ETV6: variants seen among roughly 807,000 people sequenced by gnomAD.
ETV6 encodes ETS variant transcription factor 6.
A neutral mutation model predicts 51.1 loss-of-function variants in ETV6; 16 were observed. That is an observed-to-expected ratio of 0.31 (90% CI 0.21 to 0.48). The LOEUF is 0.48. Among genes scored for constraint, ETV6 ranks in the 20% least tolerant of loss-of-function variants. The pLI, the probability that ETV6 is intolerant of heterozygous loss-of-function variation, is 0.99. For missense variants in ETV6, 458 were observed against 594.8 expected, an observed-to-expected ratio of 0.77 and a Z score of 2.39; for synonymous variants, 240 against 224.1, an observed-to-expected ratio of 1.07 and a Z score of -0.64.
At chr12:11,786,107 G>GT (rs1260543783) in intron 2 of ETV6, among the ~76,000 whole-genome samples, 11 of 151,986 alleles carry the variant, frequency 7.2e-5, no homozygotes, top group South Asian at 4.2e-4. Flanking sequence ...TACGGTTCTT[G>GT]TTTTTTTTAA....
intron 5 of ETV6, among the ~76,000 whole-genome samples, chr12:11,881,924 GCT>G (rs1947102781): frequency 3.3e-5 from 5 of 152,162 alleles, no homozygotes; most frequent in Non-Finnish European, 7.3e-5. Context: ...TGCTTGGGTT[GCT>G]CATCTTCTCC....
chr12:11,741,399 C>T (rs375121739), intron 1 of ETV6, among the ~76,000 whole-genome samples: 5 of 152,178 alleles, frequency 3.3e-5, no homozygotes, highest in African/African-American at 9.7e-5. Context: ...CTTTTGGATG[C>T]GAGAGAGGGA....
intron 1 of ETV6, among the ~76,000 whole-genome samples, chr12:11,737,985 C>T (rs1362584595): frequency 1.3e-5 from 2 of 151,982 alleles, no homozygotes; most frequent in African/African-American, 2.4e-5. Context: ...AAGCCAATAA[C>T]GATGGCTAGA....
At chr12:11,807,393 ACAGATC>A (rs1184253222) in intron 2 of ETV6, among the ~76,000 whole-genome samples, 4 of 152,210 alleles carry the variant, frequency 2.6e-5, no homozygotes, top group Non-Finnish European at 5.9e-5. Context: ...TAAAGTACAG[ACAGATC>A]CACATTGACT....
chr12:11,673,657 C>T (rs1374851300), intron 1 of ETV6, among the ~76,000 whole-genome samples: 1 of 152,194 alleles, frequency 6.6e-6, no homozygotes, highest in African/African-American at 2.4e-5. Context: ...CGAATGTCAT[C>T]TTTGTAGTTG....
At chr12:11,787,684 G>T (rs1945509416) in intron 2 of ETV6, among the ~76,000 whole-genome samples, 1 of 152,272 alleles carries the variant, frequency 6.6e-6, no homozygotes, top group South Asian at 2.1e-4. Flanking sequence ...CAAGTTAGGA[G>T]TAGGCCAGCA....
intron 1 of ETV6, among the ~76,000 whole-genome samples, chr12:11,669,373 T>TCCTCCCTCCCTCCCTCCCTCCCTC (rs1555112288): frequency 1.2e-4 from 15 of 129,424 alleles, no homozygotes; most frequent in African/African-American, 4.2e-4. Context: ...CTTCCTCCCT[T>TCCTCCCTCCCTCCCTCCCTCCCTC]CCTCCCTCCC....
intron 1 of ETV6, among the ~76,000 whole-genome samples, chr12:11,748,100 C>A (rs185548342): frequency 1.3e-3 from 201 of 152,324 alleles, no homozygotes; most frequent in African/African-American, 4.4e-3. Flanking sequence ...TCACTGGTGC[C>A]TGCTGTTTTC....
chr12:11,890,967 T>C lies in ETV6; in HGVS notation c.1280T>C (p.Met427Thr), dbSNP rs1430184513. 3 of 1,613,698 alleles carry C rather than the reference T, an allele frequency of 1.9e-6. No homozygotes were observed. Among genetic ancestry groups the C allele is most frequent in the Admixed American group, 3.3e-5 (2 of 59,994 alleles). The change falls in exon 8 of 8, where the codon ATG becomes ACG. Residue 427 changes from methionine (M) to threonine (T), a missense_variant. Transcript: ENST00000396373. ...FRFMKTPDEI[M>T]SGRTDRLEHL... Reference sequence around the variant, plus strand: ...TTTATGAAAACCCCAGATGAAATCATGAGTGGCCGAACAGACCGTCTGGAG... The same window carrying C: ...TTTATGAAAACCCCAGATGAAATCACGAGTGGCCGAACAGACCGTCTGGAG...
chr12:11,784,162 G>A (rs189405223), intron 2 of ETV6, among the ~76,000 whole-genome samples: 11 of 152,338 alleles, frequency 7.2e-5, no homozygotes, highest in African/African-American at 2.6e-4. Context: ...AGGCACAGTG[G>A]CTCATGCCTG....
intron 1 of ETV6, among the ~76,000 whole-genome samples, chr12:11,736,323 C>T (rs1322733668): frequency 6.6e-6 from 1 of 152,098 alleles, no homozygotes; most frequent in Non-Finnish European, 1.5e-5. Context: ...AGTCTGTGTC[C>T]CCTTTTTTAG....
At chr12:11,751,884 T>C (rs1866036361) in intron 1 of ETV6, 1 of 504,216 alleles carries the variant, frequency 2.0e-6, no homozygotes, top group African/African-American at 1.9e-5. Flanking sequence ...TTGTGGTGGT[T>C]GTATAGTGAG....
intron 2 of ETV6, among the ~76,000 whole-genome samples, chr12:11,791,376 A>G (rs940804581): frequency 6.6e-6 from 1 of 152,234 alleles, no homozygotes; most frequent in African/African-American, 2.4e-5. Flanking sequence ...TCTTCCTGCC[A>G]TAGGGATGTT....
chr12:11,681,826 T>C (rs941047200), intron 1 of ETV6, among the ~76,000 whole-genome samples: 1 of 152,236 alleles, frequency 6.6e-6, no homozygotes, highest in African/African-American at 2.4e-5. Context: ...AGTGTTAGGC[T>C]TTCTGTTCCT....
At position 11,650,008 on chromosome 12, in the gene ETV6, A is replaced by T; in HGVS notation, c.-120A>T. 1 of 944,392 alleles carries T rather than the reference A, an allele frequency of 1.1e-6. No individual in the cohort carries two copies. Among genetic ancestry groups the T allele is most frequent in the Non-Finnish European group, 1.7e-6 (1 of 586,464 alleles). 58.5% of individuals were successfully genotyped at this position (944,392 alleles called of 1,614,324 possible). ...ACCCCCGGGGCGGCTGCCGGGAGAG[A>T]TGCTGGAAGAAACTTCTTAAATGAC... is the stretch of plus-strand genomic sequence containing the variant. On this transcript the variant is annotated 5_prime_UTR_variant, in exon 1 of 8. An upstream start codon of the reference 5' UTR is lost. Transcript: ENST00000396373.
chr12:11,861,051 C>A (rs2855709), intron 4 of ETV6, among the ~76,000 whole-genome samples: 68,995 of 152,104 alleles, frequency 0.45, 17,922 homozygotes, highest in South Asian at 0.62. Context: ...ATTTTATGTC[C>A]CCTTGCAGTA....
chr12:11,856,417 T>C (rs1367574678), intron 4 of ETV6, among the ~76,000 whole-genome samples: 3 of 152,206 alleles, frequency 2.0e-5, no homozygotes, highest in Non-Finnish European at 4.4e-5. Flanking sequence ...TTAAAGCTCA[T>C]GGCCAGGAAG....
chr12:11,892,346 G>A lies in ETV6; in HGVS notation c.*1300G>A. 1 of 232,116 alleles carries A rather than the reference G, an allele frequency of 4.3e-6. No homozygotes were observed. The allele number at this position is 232,116 out of a possible 1,614,324, so 14.4% of individuals were successfully genotyped here. Reference sequence around the variant, plus strand: ...AATCAGTGTGTGCCCAGCCTGGGCAGACAGGAAATTCCTCGGATACATTAT... The same window carrying A: ...AATCAGTGTGTGCCCAGCCTGGGCAAACAGGAAATTCCTCGGATACATTAT... On this transcript the variant is annotated 3_prime_UTR_variant, in exon 8 of 8. Coordinates refer to ENST00000396373, the MANE Select transcript of ETV6 (RefSeq NM_001987.5).
intron 5 of ETV6, among the ~76,000 whole-genome samples, chr12:11,874,766 TTATC>T (rs933453729): frequency 4.0e-5 from 6 of 150,926 alleles, no homozygotes; most frequent in African/African-American, 1.2e-4. Flanking sequence ...ATTCTTTTCA[TTATC>T]TATTATCACT....
Sources: gnomAD v4.1 joint callset for allele counts (sites outside exome capture counted in the v4.1 genomes callset) on GRCh38, gnomAD v4.1.1 for gene constraint, MANE v1.5 for transcripts, NCBI Gene and HGNC (gene_info 2026-07-23, HGNC 2026-07-21) for gene names.